Variants in TNNI3K observed in about 807,000 individuals in gnomAD.
TNNI3K encodes the protein TNNI3 interacting kinase, also known as serine/threonine-protein kinase TNNI3K.
Under a neutral mutation model 114.5 loss-of-function variants are expected in TNNI3K, and 140 were observed. The observed-to-expected ratio is 1.22, with a 90% CI of 1.07 to 1.41. The LOEUF is 1.41. Ranked by LOEUF, TNNI3K falls within the 40% of genes most tolerant of loss-of-function variation. TNNI3K has a pLI of 0.00. For synonymous variants in TNNI3K, 347 were observed against 347.5 expected (o/e 1.00, Z 0.02); for missense variants, 1,125 against 1,007.6 (o/e 1.12, Z -1.58).
At chr1:74,302,708 A>G (rs772906349) in intron 5 of TNNI3K, among the ~76,000 whole-genome samples, 1 of 152,246 alleles carries the variant, frequency 6.6e-6, no homozygotes, top group Admixed American at 6.5e-5. Flanking sequence ...AATTCTATGA[A>G]GGATGAGAGA....
chr1:74,307,953 C>T (rs1436531643), intron 5 of TNNI3K, among the ~76,000 whole-genome samples: 1 of 152,032 alleles, frequency 6.6e-6, no homozygotes, highest in Non-Finnish European at 1.5e-5. Flanking sequence ...CAGAGCAAGA[C>T]TCCATGTAAA....
chr1:74,353,124 A>G, intron 9 of TNNI3K, 142 bp from the exon 10 acceptor site: 1 of 868,350 alleles, frequency 1.2e-6, no homozygotes, highest in East Asian at 2.7e-5. Context: ...CTTTAAAGAT[A>G]CAATCCCTAA....
intron 6 of TNNI3K, among the ~76,000 whole-genome samples, chr1:74,334,297 T>A (rs1035125296): frequency 2.6e-5 from 4 of 152,210 alleles, no homozygotes; most frequent in Non-Finnish European, 4.4e-5. Context: ...TCTCTAGAAT[T>A]TCTCTCAAAT....
chr1:74,418,239 AAG>A, intron 17 of TNNI3K: 1 of 448,370 alleles, frequency 2.2e-6, no homozygotes, highest in South Asian at 1.6e-5. Context: ...GTGCATCAGA[AAG>A]AGCAGAGCAG....
intron 3 of TNNI3K, 31 bp from the exon 4 acceptor site, chr1:74,250,641 G>T (rs1352755512): frequency 1.2e-6 from 2 of 1,601,100 alleles, no homozygotes; most frequent in African/African-American, 2.7e-5. Flanking sequence ...TCCCCACAAT[G>T]ATTTAGCCTT....
At chr1:74,321,268 A>G (rs577242318) in intron 5 of TNNI3K, among the ~76,000 whole-genome samples, 7 of 152,290 alleles carry the variant, frequency 4.6e-5, no homozygotes, top group Middle Eastern at 3.4e-3. Flanking sequence ...ACTGAACAAC[A>G]CAGAAAATCT....
intron 23 of TNNI3K, among the ~76,000 whole-genome samples, chr1:74,506,922 C>G (rs1669934342): frequency 6.6e-6 from 1 of 152,128 alleles, no homozygotes; most frequent in East Asian, 1.9e-4. Flanking sequence ...TTACCACTTT[C>G]TACTTGGTAT....
intron 21 of TNNI3K, among the ~76,000 whole-genome samples, chr1:74,477,621 G>C (rs76061180): frequency 9.9e-5 from 15 of 152,146 alleles, no homozygotes; most frequent in Non-Finnish European, 8.8e-5. Context: ...TTGATTATAG[G>C]ATACAGTTTC....
intron 23 of TNNI3K, among the ~76,000 whole-genome samples, chr1:74,533,161 A>T (rs1228799480): frequency 6.6e-6 from 1 of 152,180 alleles, no homozygotes; most frequent in Non-Finnish European, 1.5e-5. Flanking sequence ...TTCGCAACCT[A>T]CTCATCTGAC....
At chr1:74,463,373 T>G (rs917182348) in intron 20 of TNNI3K, 68 bp from the exon 21 acceptor site, 6 of 1,532,086 alleles carry the variant, frequency 3.9e-6, no homozygotes, top group Admixed American at 3.3e-5. Flanking sequence ...TTTGTGTGTG[T>G]GTGTCTTCAT....
chr1:74,409,759 G>A (rs1005889818), intron 17 of TNNI3K, among the ~76,000 whole-genome samples: 1 of 152,132 alleles, frequency 6.6e-6, no homozygotes, highest in Non-Finnish European at 1.5e-5. Flanking sequence ...CACCCAAAGT[G>A]CAGGGATTAC....
chr1:74,481,945 G>C (rs1668527282), intron 21 of TNNI3K, among the ~76,000 whole-genome samples: 1 of 152,136 alleles, frequency 6.6e-6, no homozygotes, highest in Non-Finnish European at 1.5e-5. Flanking sequence ...CGGAAACAAA[G>C]AGATTAAAAA....
chr1:74,250,846 T>C, intron 4 of TNNI3K, 77 bp downstream of exon 4: 1 of 1,324,330 alleles, frequency 7.6e-7, no homozygotes, highest in Non-Finnish European at 1.0e-6. Flanking sequence ...TTTTTTTTTT[T>C]TCAAATTAGT....
intron 11 of TNNI3K, chr1:74,366,657 C>T (rs995330985): frequency 7.2e-5 from 11 of 151,910 alleles, no homozygotes; most frequent in African/African-American, 2.7e-4. Flanking sequence ...TGTCGCAAGG[C>T]CACAGTTGGA....
chr1:74,236,574 G>A (rs1354176920), intron 2 of TNNI3K, among the ~76,000 whole-genome samples: 1 of 151,746 alleles, frequency 6.6e-6, no homozygotes, highest in Non-Finnish European at 1.5e-5. Flanking sequence ...CATAGTGGTC[G>A]CATATTGGCC....
At chr1:74,308,843 A>T (rs543786956) in intron 5 of TNNI3K, among the ~76,000 whole-genome samples, 10 of 152,312 alleles carry the variant, frequency 6.6e-5, no homozygotes, top group African/African-American at 2.4e-4. Context: ...CCACAGAAAT[A>T]CAAAAGATTC....
chr1:74,251,648 A>G (rs1405256994), intron 4 of TNNI3K, among the ~76,000 whole-genome samples: 3 of 152,130 alleles, frequency 2.0e-5, no homozygotes, highest in Non-Finnish European at 4.4e-5. Flanking sequence ...TCTGTGACAG[A>G]ATTTTATTTC....
chr1:74,543,138 G>A (rs1285922658), intron 24 of TNNI3K, among the ~76,000 whole-genome samples: 4 of 121,796 alleles, frequency 3.3e-5, no homozygotes, highest in East Asian at 2.7e-4. Flanking sequence ...GCGGTGGTGC[G>A]ATCTCGGCTC....
intron 17 of TNNI3K, chr1:74,371,527 A>G (rs1478620649): frequency 1.2e-3 from 1 of 828 alleles, no homozygotes; most frequent in Admixed American, 0.038. Flanking sequence ...GTCCTGAAAG[A>G]TGGGTAGTTT....
Sources: allele counts gnomAD v4.1 joint callset (sites outside exome capture counted in the v4.1 genomes callset), GRCh38; gene constraint gnomAD v4.1.1; transcripts MANE v1.5; gene names NCBI Gene and HGNC (gene_info 2026-07-23, HGNC 2026-07-21).